Variants in CNTN4 observed in about 807,000 individuals in gnomAD.
The protein encoded by CNTN4 is contactin 4.
CNTN4 carries 77 observed loss-of-function variants against 122.5 expected under a neutral mutation model. The ratio of observed to expected loss-of-function variants is 0.63; its 90% CI spans 0.52 to 0.76. The LOEUF (loss-of-function observed/expected upper bound fraction) is 0.76, where lower values mean the gene tolerates loss of function less well. CNTN4 is among the 30% of genes least tolerant of loss of function. The probability of loss-of-function intolerance (pLI) is 0.00; values close to 1 mark genes in which losing one functional copy is unlikely to be tolerated. For synonymous variants in CNTN4, 512 were observed against 447.0 expected, an observed-to-expected ratio of 1.15 and a Z score of -1.83; for missense variants, 1,256 against 1,259.1, an observed-to-expected ratio of 1.00 and a Z score of 0.04.
rs544600238 is a variant in CNTN4 at position 2,627,727 on chromosome 3, T to A, written c.55+56169T>A. 4.6e-4 allele frequency among the ~76,000 whole-genome samples: 70 copies of A among 152,114 alleles called. No homozygotes were observed. The South Asian group carries it at 0.014, about 31-fold the overall frequency. On this transcript the variant is annotated intron_variant, in intron 4 of 24. Coordinates refer to ENST00000418658, the MANE Select transcript of CNTN4 (RefSeq NM_175607.3). ...CCAGGATGGTCTCGATCTCCTGACC[T>A]TGTGATCTGCCCGCCTCGGCCTCCC... is the stretch of plus-strand genomic sequence containing the variant.
chr3:2,131,071 A>T lies in CNTN4; in HGVS notation c.-145+30432A>T, dbSNP rs184274948. Among the ~76,000 whole-genome samples the T allele has an allele frequency of 7.8e-4, 119 of 152,336 alleles. 1 individual carries two copies. The highest frequency in any genetic ancestry group is 4.0e-3 in the Admixed American group (61 of 15,296). ...ATAATAGCTGACATGTATTGTGTTTATTCCAAGCCAGACATGGTACTTTAC... is the reference window on the plus strand; with the variant it reads ...ATAATAGCTGACATGTATTGTGTTTTTTCCAAGCCAGACATGGTACTTTAC... On this transcript the variant is annotated intron_variant, in intron 2 of 24. Coordinates refer to ENST00000418658, the MANE Select transcript of CNTN4 (RefSeq NM_175607.3).
chr3:2,975,052 A>G (rs577213391), intron 13 of CNTN4, among the ~76,000 whole-genome samples: 1 of 152,296 alleles, frequency 6.6e-6, no homozygotes, highest in Admixed American at 6.5e-5. Context: ...CCAAGTGGTA[A>G]AGGAAGCTTC....
chr3:2,248,390 T>G (rs1056217830), intron 2 of CNTN4, among the ~76,000 whole-genome samples: 11 of 151,978 alleles, frequency 7.2e-5, no homozygotes, highest in Non-Finnish European at 1.5e-4. Context: ...TGTGAACCAT[T>G]TCTGTACCTC....
At chr3:2,657,542 C>A (rs2083647935) in intron 4 of CNTN4, among the ~76,000 whole-genome samples, 1 of 152,138 alleles carries the variant, frequency 6.6e-6, no homozygotes, top group South Asian at 2.1e-4. Context: ...GGATCAGCTG[C>A]ATGAAAACAA....
chr3:2,241,492 A>G (rs1234504590), intron 2 of CNTN4, among the ~76,000 whole-genome samples: 1 of 152,070 alleles, frequency 6.6e-6, no homozygotes, highest in African/African-American at 2.4e-5. Context: ...TCTCTTTTCT[A>G]GGGATACCCC....
chr3:2,102,991 A>G (rs2032115730), intron 2 of CNTN4, among the ~76,000 whole-genome samples: 2 of 151,964 alleles, frequency 1.3e-5, no homozygotes, highest in Admixed American at 6.6e-5. Context: ...TAATACATAC[A>G]TAATGCTTAC....
rs200080104 is a variant in CNTN4, at chr3:2,409,154, G to A, written c.-89+69921G>A. 1.8e-4 allele frequency among the ~76,000 whole-genome samples: 28 copies of A among 151,832 alleles called. No individual in the cohort carries two copies. In the East Asian group the frequency reaches 5.4e-3, roughly 29 times the overall value. On this transcript the variant is annotated intron_variant, in intron 3 of 24. Coordinates refer to ENST00000418658, the MANE Select transcript of CNTN4 (RefSeq NM_175607.3). ...TCTTCTAAAATTTTATTAATTCCAG[G>A]GAATTAAAGCACACTCATCTTGCAG...
intron 3 of CNTN4, among the ~76,000 whole-genome samples, chr3:2,414,759 G>T (rs1463164613): frequency 6.6e-6 from 1 of 151,956 alleles, no homozygotes; most frequent in Non-Finnish European, 1.5e-5. Flanking sequence ...GAGAAAGAAG[G>T]AATATTCAAA....
At chr3:2,882,640 C>A (rs1056464404) in intron 8 of CNTN4, 1 of 161,998 alleles carries the variant, frequency 6.2e-6, no homozygotes, top group South Asian at 1.6e-4. Context: ...CTTGAATATA[C>A]TAATTTATGA....
intron 2 of CNTN4, among the ~76,000 whole-genome samples, chr3:2,248,144 A>G (rs1005213973): frequency 1.4e-4 from 22 of 151,964 alleles, no homozygotes; most frequent in Admixed American, 3.9e-4. Context: ...CTGGCTCATA[A>G]TAGGTACTCA....
intron 3 of CNTN4, among the ~76,000 whole-genome samples, chr3:2,465,129 C>T (rs949961838): frequency 6.6e-6 from 1 of 152,060 alleles, no homozygotes; most frequent in Non-Finnish European, 1.5e-5. Context: ...GTATATTTTA[C>T]TGCTATATTA....
At chr3:2,407,587 T>C (rs1305322763) in intron 3 of CNTN4, among the ~76,000 whole-genome samples, 1 of 152,142 alleles carries the variant, frequency 6.6e-6, no homozygotes, top group East Asian at 1.9e-4. Context: ...ATTTTTGCAG[T>C]CTTAGCTTCA....
intron 4 of CNTN4, among the ~76,000 whole-genome samples, chr3:2,585,221 A>T (rs936076533): frequency 6.6e-6 from 1 of 152,068 alleles, no homozygotes; most frequent in Non-Finnish European, 1.5e-5. Context: ...AGAAATAGAA[A>T]CACTTTTACA....
chr3:2,099,297 GC>G (rs2031688964), intron 1 of CNTN4: 1 of 152,450 alleles, frequency 6.6e-6, no homozygotes. Flanking sequence ...TTGTTGCGCT[GC>G]GAGGCAGCCA....
chr3:2,751,780 T>C (rs2090104785), intron 6 of CNTN4, among the ~76,000 whole-genome samples: 1 of 152,060 alleles, frequency 6.6e-6, no homozygotes, highest in Admixed American at 6.5e-5. Flanking sequence ...TAAACACTGA[T>C]ATTTATTTTA....
intron 2 of CNTN4, among the ~76,000 whole-genome samples, chr3:2,277,631 A>C (rs1222369325): frequency 6.6e-6 from 1 of 152,072 alleles, no homozygotes; most frequent in Non-Finnish European, 1.5e-5. Flanking sequence ...ATGCATAACT[A>C]TTCAGGTTTC....
intron 8 of CNTN4, among the ~76,000 whole-genome samples, chr3:2,874,195 C>T (rs1003716286): frequency 6.6e-6 from 1 of 152,102 alleles, no homozygotes; most frequent in African/African-American, 2.4e-5. Flanking sequence ...TCCATGGGGG[C>T]TAAAGGTCTT....
chr3:3,053,750 C>T, intron 23 of CNTN4, 57 bp from the exon 24 acceptor site: 1 of 1,568,354 alleles, frequency 6.4e-7, no homozygotes, highest in Non-Finnish European at 8.8e-7. Context: ...ATGAATGCTC[C>T]ATATTTGGGA....
chr3:2,978,604 G>A (rs1383927574), intron 13 of CNTN4, among the ~76,000 whole-genome samples: 1 of 152,186 alleles, frequency 6.6e-6, no homozygotes, highest in Non-Finnish European at 1.5e-5. Flanking sequence ...TTTTAATTGT[G>A]TAGAAAAAGC....
Sources: gnomAD v4.1 joint callset for allele counts (sites outside exome capture counted in the v4.1 genomes callset) on GRCh38, gnomAD v4.1.1 for gene constraint, MANE v1.5 for transcripts, NCBI Gene and HGNC (gene_info 2026-07-23, HGNC 2026-07-21) for gene names.